The following ERBB4 variants were observed in gnomAD, a reference collection of about 807,000 sequenced individuals.
ERBB4 encodes the protein erb-b2 receptor tyrosine kinase 4.
In ERBB4, 42 loss-of-function variants were observed where a neutral mutation model predicts 158.0. That is an observed-to-expected ratio of 0.27 (90% CI 0.21 to 0.34). The LOEUF (loss-of-function observed/expected upper bound fraction) is 0.34. Ranked by LOEUF, ERBB4 falls within the 10% of genes least tolerant of loss-of-function variation. The probability of loss-of-function intolerance (pLI) is 1.00; values close to 1 mark genes in which losing one functional copy is unlikely to be tolerated. For synonymous variants in ERBB4, 583 were observed against 558.7 expected (o/e 1.04, Z -0.61); for missense variants, 1,333 against 1,624.1 (o/e 0.82, Z 3.08).
At position 212,003,201 on chromosome 2, in the gene ERBB4, GAAAGACAGAAA is replaced by G. The variant is rs1559293723; in HGVS notation, c.235-55596_235-55586del. On this transcript the variant is annotated intron_variant, in intron 2 of 27. Coordinates refer to ENST00000342788, the MANE Select transcript of ERBB4 (RefSeq NM_005235.3). Reference sequence around the variant, plus strand: ...AGAAAGAAAGAAAGAAAGAAAGAAAGAAAGACAGAAAGAAGGAAGGAAGGAAGGAAGGAAGG... The same window carrying G: ...AGAAAGAAAGAAAGAAAGAAAGAAAGGAAGGAAGGAAGGAAGGAAGGAAGG... 2.4e-3 allele frequency among the ~76,000 whole-genome samples: 126 copies of G among 52,990 alleles called. 5 individuals carry two copies. The highest frequency in any genetic ancestry group is 6.3e-3 in the East Asian group (15 of 2,380). 34.8% of individuals were successfully genotyped at this position (52,990 alleles called of 152,430 possible).
chr2:211,414,924 G>A (rs1192543728), intron 25 of ERBB4, among the ~76,000 whole-genome samples: 1 of 151,986 alleles, frequency 6.6e-6, no homozygotes, highest in East Asian at 1.9e-4. Context: ...ACCTCCTAGG[G>A]CTTTGTGAAA....
intron 5 of ERBB4, among the ~76,000 whole-genome samples, chr2:211,727,409 T>C (rs1379190521): frequency 1.3e-5 from 2 of 152,126 alleles, no homozygotes; most frequent in Non-Finnish European, 2.9e-5. Flanking sequence ...CTTACTTAAG[T>C]TTTAATTTTC....
chr2:212,089,710 T>C (rs1168231717), intron 2 of ERBB4, among the ~76,000 whole-genome samples: 1 of 152,166 alleles, frequency 6.6e-6, no homozygotes, highest in Non-Finnish European at 1.5e-5. Context: ...ACATGCTTCC[T>C]ATACTGCCTG....
chr2:212,046,120 GT>G (rs1359534461), intron 2 of ERBB4, among the ~76,000 whole-genome samples: 3 of 152,162 alleles, frequency 2.0e-5, no homozygotes, highest in African/African-American at 7.2e-5. Context: ...TTTCAGACAT[GT>G]GAAGTGGAGA....
intron 3 of ERBB4, among the ~76,000 whole-genome samples, chr2:211,945,997 C>T (rs1008218854): frequency 2.6e-5 from 4 of 151,948 alleles, no homozygotes; most frequent in African/African-American, 4.8e-5. Flanking sequence ...TAATTTCAAT[C>T]GTTCAATTGT....
chr2:212,446,108 T>C (rs900769733), intron 1 of ERBB4, among the ~76,000 whole-genome samples: 3 of 152,200 alleles, frequency 2.0e-5, no homozygotes, highest in African/African-American at 7.2e-5. Context: ...TTGTATTATG[T>C]TAGGCATAAT....
chr2:212,257,013 C>G (rs115076827), intron 1 of ERBB4, among the ~76,000 whole-genome samples: 2,564 of 152,170 alleles, frequency 0.017, 30 homozygotes, highest in Non-Finnish European at 0.025. Flanking sequence ...AATGATCCCA[C>G]CACCCAGGTA....
At chr2:212,261,691 A>G (rs537357555) in intron 1 of ERBB4, among the ~76,000 whole-genome samples, 1 of 152,260 alleles carries the variant, frequency 6.6e-6, no homozygotes, top group South Asian at 2.1e-4. Flanking sequence ...GACCTAGAGA[A>G]GTTAAGATGG....
rs548805272 is a variant in ERBB4 at position 212,105,281 on chromosome 2, A to G, written c.234+19471T>C. Among the ~76,000 whole-genome samples the G allele has an allele frequency of 4.6e-5, 7 of 152,362 alleles. No homozygotes were observed. In the South Asian group the frequency reaches 1.2e-3, roughly 27 times the overall value. On this transcript the variant is annotated intron_variant, in intron 2 of 27. Transcript: ENST00000342788. ...GCGTTATTGCAGACGAGTGAGTCCA[A>G]TGTTTTCCAAAGAGTGGTATTCAAC...
At chr2:211,827,712 G>A (rs1031761826) in intron 3 of ERBB4, among the ~76,000 whole-genome samples, 3 of 151,876 alleles carry the variant, frequency 2.0e-5, no homozygotes, top group Admixed American at 6.6e-5. Context: ...ATTTGCTGAA[G>A]AATAAATCTA....
At chr2:211,901,137 C>T (rs2125031789) in intron 3 of ERBB4, among the ~76,000 whole-genome samples, 1 of 152,222 alleles carries the variant, frequency 6.6e-6, no homozygotes, top group African/African-American at 2.4e-5. Flanking sequence ...GCATAGGCTT[C>T]TCTCAAAGAG....
At position 212,165,168 on chromosome 2, in the gene ERBB4, A is replaced by C. The variant is rs16847828; in HGVS notation, c.83-40265T>G. Among the ~76,000 whole-genome samples the C allele has an allele frequency of 4.3e-4, 66 of 152,132 alleles. No individual in the cohort carries two copies. In the East Asian group the frequency reaches 0.013, roughly 30 times the overall value. ...CTAATAAAAGAACCTTTATTTGGTC[A>C]GGTAATCAGCTAGGATTAAGATGAA... On this transcript the variant is annotated intron_variant, in intron 1 of 27. Coordinates refer to ENST00000342788, the MANE Select transcript of ERBB4 (RefSeq NM_005235.3).
intron 1 of ERBB4, among the ~76,000 whole-genome samples, chr2:212,482,572 A>T (rs1689757617): frequency 1.3e-5 from 2 of 152,196 alleles, no homozygotes; most frequent in African/African-American, 4.8e-5. Context: ...ATTTAACAAG[A>T]TACTTGTAGT....
At chr2:211,682,050 TCACACACACACACACACACACACA>T (rs60803024) in intron 12 of ERBB4, among the ~76,000 whole-genome samples, 15 of 134,490 alleles carry the variant, frequency 1.1e-4, no homozygotes, top group Admixed American at 4.6e-4. Flanking sequence ...TTTATACACA[TCACACACACACACACACACACACA>T]CACACACACA....
intron 3 of ERBB4, among the ~76,000 whole-genome samples, chr2:211,798,330 A>G (rs1455103883): frequency 1.3e-5 from 2 of 152,094 alleles, no homozygotes; most frequent in East Asian, 3.8e-4. Flanking sequence ...CTGTTGCTTT[A>G]ATTCATAGGC....
chr2:211,976,253 C>T (rs552555124), intron 2 of ERBB4, among the ~76,000 whole-genome samples: 12 of 152,120 alleles, frequency 7.9e-5, no homozygotes, highest in African/African-American at 2.4e-5. Flanking sequence ...ATCACCCATT[C>T]TCTGGGGAAT....
rs910285677 is a variant in ERBB4, at chr2:211,953,452, A to G, written c.235-5836T>C. Among the ~76,000 whole-genome samples, 17 of 145,824 alleles carry G rather than the reference A, an allele frequency of 1.2e-4. No individual in the cohort carries two copies. In the Admixed American group the frequency reaches 1.2e-3, roughly 10 times the overall value. On this transcript the variant is annotated intron_variant, in intron 2 of 27. Coordinates refer to ENST00000342788, the MANE Select transcript of ERBB4 (RefSeq NM_005235.3). ...ACTGGCGATGTCTTTGATATTAAAT[A>G]AAGGTTTTTCTCCAAAAAAAAAAAA...
At chr2:212,016,922 A>T (rs2076542090) in intron 2 of ERBB4, among the ~76,000 whole-genome samples, 1 of 152,132 alleles carries the variant, frequency 6.6e-6, no homozygotes, top group African/African-American at 2.4e-5. Flanking sequence ...CACTTAATAA[A>T]AGGTAGTTGT....
At chr2:212,200,197 C>T (rs1259844102) in intron 1 of ERBB4, among the ~76,000 whole-genome samples, 1 of 151,974 alleles carries the variant, frequency 6.6e-6, no homozygotes, top group Non-Finnish European at 1.5e-5. Flanking sequence ...TAATATCATT[C>T]TACTTTGAGG....
Sources: allele counts gnomAD v4.1 joint callset (sites outside exome capture counted in the v4.1 genomes callset), GRCh38; gene constraint gnomAD v4.1.1; transcripts MANE v1.5; gene names NCBI Gene and HGNC (gene_info 2026-07-23, HGNC 2026-07-21).